The following KCNMA1 variants were observed in gnomAD, a reference collection of about 807,000 sequenced individuals.
KCNMA1 encodes Calcium-activated potassium channel subunit alpha-1.
In KCNMA1, 29 loss-of-function variants were observed where a neutral mutation model predicts 140.0. The observed-to-expected ratio is 0.21, with a 90% CI of 0.15 to 0.28. KCNMA1 has a LOEUF of 0.28. Ranked by LOEUF, KCNMA1 falls within the 10% of genes least tolerant of loss-of-function variation. The pLI is 1.00. For synonymous variants in KCNMA1, 612 were observed against 611.9 expected (o/e 1.00, Z 0.00); for missense variants, 880 against 1,602.2 (o/e 0.55, Z 7.70).
At chr10:77,472,273 C>T (rs775904183) in intron 1 of KCNMA1, among the ~76,000 whole-genome samples, 9 of 151,302 alleles carry the variant, frequency 5.9e-5, no homozygotes, top group Non-Finnish European at 1.2e-4. Flanking sequence ...CACACCTAGG[C>T]ACACTATGCA....
At chr10:77,461,806 T>C (rs2097874692) in intron 1 of KCNMA1, among the ~76,000 whole-genome samples, 1 of 152,112 alleles carries the variant, frequency 6.6e-6, no homozygotes, top group African/African-American at 2.4e-5. Context: ...TCCCCGTGAG[T>C]CTGCCCATTG....
At position 77,090,075 on chromosome 10, in the gene KCNMA1, G is replaced by T. The variant is rs142127442; in HGVS notation, c.1334+325C>A. Among the ~76,000 whole-genome samples, 608 of 152,202 alleles carry T rather than the reference G, an allele frequency of 4.0e-3. 5 individuals are homozygous for T. The highest frequency in any genetic ancestry group is 0.014 in the African/African-American group (579 of 41,522). On this transcript the variant is annotated intron_variant, in intron 10 of 27. Coordinates refer to ENST00000286628, the MANE Select transcript of KCNMA1 (RefSeq NM_001161352.2). ...ATCCCACAGCAGATAATGTGGACAC[G>T]CCAGATTGCTAAGGGGACAATGATG...
intron 14 of KCNMA1, among the ~76,000 whole-genome samples, chr10:77,056,206 C>T (rs972176434): frequency 6.6e-6 from 1 of 152,040 alleles, no homozygotes; most frequent in African/African-American, 2.4e-5. Flanking sequence ...ATGGCAAAAC[C>T]CTGTTTCTAC....
At chr10:77,165,078 C>T (rs975565893) in intron 5 of KCNMA1, among the ~76,000 whole-genome samples, 2 of 152,038 alleles carry the variant, frequency 1.3e-5, no homozygotes, top group Non-Finnish European at 2.9e-5. Flanking sequence ...TAAAAATATT[C>T]ACTACTTTTT....
chr10:77,534,614 G>C lies in KCNMA1; in HGVS notation c.378+102651C>G, dbSNP rs571697531. 2.6e-5 allele frequency among the ~76,000 whole-genome samples: 4 copies of C among 152,242 alleles called. No individual in the cohort carries two copies. In the South Asian group the frequency reaches 6.2e-4, roughly 24 times the overall value. ...CAGGGATTTGGGCATCAAAAGTTCT[G>C]GGTTCAAGGTCCAGGTCTATCTATA... On this transcript the variant is annotated intron_variant, in intron 1 of 27. Transcript: ENST00000286628.
chr10:77,159,455 C>G (rs1211786155), intron 5 of KCNMA1, among the ~76,000 whole-genome samples: 2 of 152,044 alleles, frequency 1.3e-5, no homozygotes, highest in East Asian at 1.9e-4. Flanking sequence ...CAGAGCCACA[C>G]CATTTTGGCC....
chr10:76,973,460 G>A (rs2076649961), intron 19 of KCNMA1, among the ~76,000 whole-genome samples: 1 of 152,200 alleles, frequency 6.6e-6, no homozygotes, highest in Non-Finnish European at 1.5e-5. Context: ...GTCTAATGAG[G>A]CTTCAGATCC....
chr10:77,141,043 A>G (rs1023743348), intron 5 of KCNMA1, among the ~76,000 whole-genome samples: 4 of 152,160 alleles, frequency 2.6e-5, no homozygotes, highest in Admixed American at 6.5e-5. Context: ...ATGCCCAACA[A>G]GAAAGAAAAA....
At chr10:77,151,492 G>T (rs1485152262) in intron 5 of KCNMA1, among the ~76,000 whole-genome samples, 1 of 152,046 alleles carries the variant, frequency 6.6e-6, no homozygotes, top group Non-Finnish European at 1.5e-5. Flanking sequence ...CTTCTGAAGT[G>T]CTGGGATTAC....
intron 9 of KCNMA1, 105 bp from the exon 10 acceptor site, chr10:77,090,615 C>T: frequency 1.3e-6 from 1 of 772,072 alleles, no homozygotes; most frequent in Non-Finnish European, 2.3e-6. Flanking sequence ...GGGAAGCATT[C>T]ATCTCCTCCC....
chr10:77,148,648 A>T (rs2098359567), intron 5 of KCNMA1, among the ~76,000 whole-genome samples: 1 of 152,210 alleles, frequency 6.6e-6, no homozygotes, highest in African/African-American at 2.4e-5. Context: ...TTTTTTCTGT[A>T]AAGGGCCAGA....
At chr10:77,121,101 G>A (rs375675680) in intron 5 of KCNMA1, 53 bp from the exon 6 acceptor site, 7 of 1,137,740 alleles carry the variant, frequency 6.2e-6, no homozygotes, top group East Asian at 4.7e-5. Flanking sequence ...TGATTTTAAT[G>A]TTCACAGTCT....
chr10:77,198,557 C>CGT (rs2041389761), intron 3 of KCNMA1, among the ~76,000 whole-genome samples: 1 of 99,668 alleles, frequency 1.0e-5, no homozygotes, highest in Non-Finnish European at 2.1e-5. Flanking sequence ...CAGCAAAAAG[C>CGT]ATATATATGT....
intron 5 of KCNMA1, 127 bp from the exon 6 acceptor site, chr10:77,121,175 C>G: frequency 1.4e-6 from 1 of 702,688 alleles, no homozygotes; most frequent in Non-Finnish European, 2.6e-6. Context: ...GATAAACCAG[C>G]TGGTACCTCA....
At chr10:77,040,895 A>AT (rs1361587362) in intron 14 of KCNMA1, among the ~76,000 whole-genome samples, 4 of 152,050 alleles carry the variant, frequency 2.6e-5, no homozygotes, top group Admixed American at 6.6e-5. Context: ...TAAAATATGC[A>AT]TTTTTTCTAA....
chr10:77,420,342 A>C (rs1297450648), intron 1 of KCNMA1, among the ~76,000 whole-genome samples: 1 of 152,234 alleles, frequency 6.6e-6, no homozygotes, highest in Non-Finnish European at 1.5e-5. Flanking sequence ...CATTGTGCTC[A>C]TGTTGGATTA....
At chr10:77,001,386 G>A (rs1490851153) in intron 19 of KCNMA1, 21 bp downstream of exon 19, 4 of 1,546,690 alleles carry the variant, frequency 2.6e-6, no homozygotes, top group South Asian at 2.4e-5. Flanking sequence ...ATGGAACTAC[G>A]TGTGTTGAGG....
chr10:76,990,246 T>A (rs556366277), intron 19 of KCNMA1, among the ~76,000 whole-genome samples: 8 of 152,332 alleles, frequency 5.3e-5, no homozygotes, highest in African/African-American at 1.9e-4. Context: ...ATTATAGCCA[T>A]GAGCATCTAC....
chr10:77,223,136 G>A lies in KCNMA1; in HGVS notation c.602+28059C>T, dbSNP rs187219059. Among the ~76,000 whole-genome samples, 475 of 152,180 alleles carry A rather than the reference G, an allele frequency of 3.1e-3. 2 individuals are homozygous for A. Among genetic ancestry groups the A allele is most frequent in the African/African-American group, 0.011 (455 of 41,498 alleles). ...CCCAGCTACTCGGGAGGCTGAGGCA[G>A]GAGAATTGCTTGAACCCGGGAGGCA... On this transcript the variant is annotated intron_variant, in intron 3 of 27. Transcript: ENST00000286628.
Sources: allele counts gnomAD v4.1 joint callset (sites outside exome capture counted in the v4.1 genomes callset), GRCh38; gene constraint gnomAD v4.1.1; transcripts MANE v1.5; gene names NCBI Gene and HGNC (gene_info 2026-07-23, HGNC 2026-07-21).